The following LRRC8D variants were observed in gnomAD, a reference collection of about 807,000 sequenced individuals.
LRRC8D encodes volume-regulated anion channel subunit LRRC8D.
LRRC8D carries 20 observed loss-of-function variants against 55.8 expected under a neutral mutation model. The ratio of observed to expected loss-of-function variants is 0.36; its 90% confidence interval spans 0.25 to 0.52. The LOEUF is 0.52. LRRC8D is among the 20% of genes least tolerant of loss of function. LRRC8D has a pLI of 0.93. For synonymous variants in LRRC8D, 352 were observed against 377.0 expected, an observed-to-expected ratio of 0.93 and a Z score of 0.77; for missense variants, 651 against 1,030.8, an observed-to-expected ratio of 0.63 and a Z score of 5.05.
At chr1:89,851,079 T>C (rs1303013011) in intron 2 of LRRC8D, among the ~76,000 whole-genome samples, 2 of 152,006 alleles carry the variant, frequency 1.3e-5, no homozygotes, top group African/African-American at 4.8e-5. Flanking sequence ...TGTTTTTTTT[T>C]TTGTCTTTTC....
At chr1:89,919,868 A>G (rs1238875236) in intron 2 of LRRC8D, among the ~76,000 whole-genome samples, 1 of 152,118 alleles carries the variant, frequency 6.6e-6, no homozygotes, top group African/African-American at 2.4e-5. Context: ...AAAACTCCAT[A>G]ATTATTTGTT....
chr1:89,912,545 T>C (rs1416242322), intron 2 of LRRC8D, among the ~76,000 whole-genome samples: 9 of 152,126 alleles, frequency 5.9e-5, no homozygotes, highest in Non-Finnish European at 1.2e-4. Flanking sequence ...CTCCAGACCC[T>C]TTCCTTTTCT....
intron 2 of LRRC8D, among the ~76,000 whole-genome samples, chr1:89,874,860 A>C (rs1021290067): frequency 2.0e-5 from 3 of 152,222 alleles, no homozygotes; most frequent in Admixed American, 1.3e-4. Flanking sequence ...ATGAGTGAGA[A>C]TGTTTATTCA....
At chr1:89,853,685 C>T (rs999451840) in intron 2 of LRRC8D, among the ~76,000 whole-genome samples, 1 of 151,872 alleles carries the variant, frequency 6.6e-6, no homozygotes, top group Non-Finnish European at 1.5e-5. Flanking sequence ...GCTGTCAGGT[C>T]CTATCAGGGC....
intron 1 of LRRC8D, among the ~76,000 whole-genome samples, chr1:89,824,505 A>G (rs1217425475): frequency 6.6e-6 from 1 of 152,116 alleles, no homozygotes; most frequent in African/African-American, 2.4e-5. Flanking sequence ...CTTTTGTTTA[A>G]CCCCAGGAAC....
intron 2 of LRRC8D, among the ~76,000 whole-genome samples, chr1:89,923,397 A>G (rs987852846): frequency 2.6e-5 from 4 of 152,228 alleles, no homozygotes; most frequent in Non-Finnish European, 4.4e-5. Flanking sequence ...CACTAAGGAG[A>G]TCAAACCTCA....
chr1:89,863,960 G>A (rs1661783715), intron 2 of LRRC8D, among the ~76,000 whole-genome samples: 1 of 152,190 alleles, frequency 6.6e-6, no homozygotes. Flanking sequence ...ACTTGAACTT[G>A]AGTCTGGTTC....
chr1:89,833,571 T>A (rs1019021955), intron 1 of LRRC8D: 1 of 152,204 alleles, frequency 6.6e-6, no homozygotes, highest in Non-Finnish European at 1.5e-5. Flanking sequence ...ATCCCAGCAC[T>A]CTCTTTTGTG....
At chr1:89,879,239 T>C (rs1015965876) in intron 2 of LRRC8D, among the ~76,000 whole-genome samples, 5 of 152,234 alleles carry the variant, frequency 3.3e-5, no homozygotes, top group African/African-American at 1.2e-4. Flanking sequence ...ATGTCTGTTC[T>C]TCTCCTTTTG....
intron 1 of LRRC8D, among the ~76,000 whole-genome samples, chr1:89,840,202 TACAC>T (rs1661098521): frequency 2.0e-5 from 3 of 150,794 alleles, no homozygotes; most frequent in Admixed American, 6.6e-5. Flanking sequence ...TATATATACA[TACAC>T]GTGCACACAC....
At chr1:89,858,057 C>T (rs892275653) in intron 2 of LRRC8D, among the ~76,000 whole-genome samples, 4 of 152,108 alleles carry the variant, frequency 2.6e-5, no homozygotes, top group South Asian at 2.1e-4. Flanking sequence ...GGTGAAACCC[C>T]GTCTCTACTA....
chr1:89,834,155 T>G (rs1040517643), intron 1 of LRRC8D, among the ~76,000 whole-genome samples: 1 of 152,242 alleles, frequency 6.6e-6, no homozygotes, highest in Non-Finnish European at 1.5e-5. Context: ...TTGTGAAATT[T>G]TCTTTATAAC....
intron 2 of LRRC8D, among the ~76,000 whole-genome samples, chr1:89,898,106 G>T (rs1380095823): frequency 6.6e-6 from 1 of 152,208 alleles, no homozygotes; most frequent in Non-Finnish European, 1.5e-5. Flanking sequence ...CCGATACTGA[G>T]AGGAAAAACC....
chr1:89,822,945 G>A (rs950638989), intron 1 of LRRC8D, among the ~76,000 whole-genome samples: 1 of 152,140 alleles, frequency 6.6e-6, no homozygotes, highest in African/African-American at 2.4e-5. Context: ...AAAATTAGGT[G>A]GTTAAAACAG....
intron 2 of LRRC8D, among the ~76,000 whole-genome samples, chr1:89,914,699 G>GTTT (rs397945689): frequency 1.3e-4 from 17 of 133,968 alleles, no homozygotes; most frequent in African/African-American, 3.8e-4. Context: ...AGTTATCACA[G>GTTT]TTTTTTTTTT....
At chr1:89,827,317 T>C (rs140283122) in intron 1 of LRRC8D, among the ~76,000 whole-genome samples, 73 of 140,710 alleles carry the variant, frequency 5.2e-4, no homozygotes, top group South Asian at 1.8e-3. Flanking sequence ...GCCATTGCAC[T>C]CCAGCCTGGG....
intron 1 of LRRC8D, among the ~76,000 whole-genome samples, chr1:89,832,231 G>A (rs1245058984): frequency 6.6e-6 from 1 of 151,922 alleles, no homozygotes; most frequent in Non-Finnish European, 1.5e-5. Context: ...CTCTTTGAAA[G>A]AGAAGAGAGT....
intron 2 of LRRC8D, among the ~76,000 whole-genome samples, chr1:89,915,689 C>T (rs1335483078): frequency 1.3e-5 from 2 of 152,158 alleles, no homozygotes; most frequent in Admixed American, 1.3e-4. Flanking sequence ...CTCTGTGGGC[C>T]ATAAAGTGAA....
intron 1 of LRRC8D, chr1:89,821,902 C>G (rs1570793778): frequency 6.6e-6 from 1 of 152,054 alleles, no homozygotes; most frequent in Non-Finnish European, 1.5e-5. Context: ...CGCGGGCCGT[C>G]TCCGGGTTGG....
Sources: allele counts gnomAD v4.1 joint callset (sites outside exome capture counted in the v4.1 genomes callset), GRCh38; gene constraint gnomAD v4.1.1; transcripts MANE v1.5; gene names NCBI Gene and HGNC (gene_info 2026-07-23, HGNC 2026-07-21).